The following APOBEC3C variants were observed in gnomAD, a reference collection of about 807,000 sequenced individuals.
APOBEC3C encodes the protein apolipoprotein B mRNA editing enzyme catalytic subunit 3C.
In APOBEC3C, 14 loss-of-function variants were observed where a neutral mutation model predicts 20.6. That is an observed-to-expected ratio of 0.68 (90% CI 0.45 to 1.06). The LOEUF is 1.06. Ranked by LOEUF, APOBEC3C falls within the 50% of genes least tolerant of loss-of-function variation. The probability of loss-of-function intolerance (pLI) is 0.00; values close to 1 mark genes in which losing one functional copy is unlikely to be tolerated. For synonymous variants in APOBEC3C, 98 were observed against 88.8 expected, an observed-to-expected ratio of 1.10 and a Z score of -0.58; for missense variants, 244 against 241.9, an observed-to-expected ratio of 1.01 and a Z score of -0.06.
intron 1 of APOBEC3C, among the ~76,000 whole-genome samples, chr22:39,014,937 C>G (rs991831446): frequency 2.0e-5 from 3 of 152,118 alleles, no homozygotes; most frequent in African/African-American, 7.2e-5. Flanking sequence ...TCTGTGAGCA[C>G]CGTTCACCTT....
intron 2 of APOBEC3C, among the ~76,000 whole-genome samples, chr22:39,016,373 C>CTT (rs1425182149): frequency 3.1e-5 from 3 of 98,098 alleles, no homozygotes; most frequent in African/African-American, 1.2e-4. Flanking sequence ...CTAATTTTTT[C>CTT]TTTTTTTCTT....
Sources: allele counts gnomAD v4.1 joint callset (sites outside exome capture counted in the v4.1 genomes callset), GRCh38; gene constraint gnomAD v4.1.1; transcripts MANE v1.5; gene names NCBI Gene and HGNC (gene_info 2026-07-23, HGNC 2026-07-21).